The following VWF variants were observed in gnomAD, a reference collection of about 807,000 sequenced individuals.
VWF encodes the protein Factor VIII related antigen.
Under a neutral mutation model 308.6 loss-of-function variants are expected in VWF, and 176 were observed. That is an observed-to-expected ratio of 0.57 (90% CI 0.50 to 0.65). VWF has a LOEUF of 0.65. Among genes scored for constraint, VWF ranks in the 30% least tolerant of loss-of-function variants. The pLI, the probability that VWF is intolerant of heterozygous loss-of-function variation, is 0.00. For synonymous variants in VWF, 1,385 were observed against 1,443.4 expected, an observed-to-expected ratio of 0.96 and a Z score of 0.92; for missense variants, 3,146 against 3,648.2, an observed-to-expected ratio of 0.86 and a Z score of 3.55.
intron 24 of VWF, among the ~76,000 whole-genome samples, 197 bp downstream of exon 24, chr12:6,025,383 T>C (rs994630833): frequency 5.3e-5 from 8 of 152,224 alleles, no homozygotes; most frequent in African/African-American, 9.6e-5. Context: ...TTGCCAGGCA[T>C]TGCTTCCCCT....
intron 47 of VWF, among the ~76,000 whole-genome samples, chr12:5,964,274 G>GCATACATACATGCATA (rs1943369840): frequency 1.5e-5 from 2 of 134,702 alleles, no homozygotes; most frequent in African/African-American, 6.2e-5. Flanking sequence ...ATACATACAT[G>GCATACATACATGCATA]CATACATACA....
intron 12 of VWF, 37 bp downstream of exon 12, chr12:6,064,209 G>A: frequency 6.2e-7 from 1 of 1,613,840 alleles, no homozygotes; most frequent in Middle Eastern, 1.7e-4. Context: ...GATGGGCTGT[G>A]CCAGCCCCAG....
At chr12:6,109,743 C>T (rs1316708448) in intron 5 of VWF, among the ~76,000 whole-genome samples, 1 of 152,172 alleles carries the variant, frequency 6.6e-6, no homozygotes, top group Non-Finnish European at 1.5e-5. Context: ...TTCTCCCTCC[C>T]GGGTTCACGC....
At chr12:6,043,883 T>G (rs993162135) in intron 18 of VWF, among the ~76,000 whole-genome samples, 4 of 152,236 alleles carry the variant, frequency 2.6e-5, no homozygotes, top group Non-Finnish European at 5.9e-5. Context: ...AAATAGAAAA[T>G]TATATGCATA....
At chr12:5,996,532 G>A (rs1401702295) in intron 34 of VWF, among the ~76,000 whole-genome samples, 1 of 151,994 alleles carries the variant, frequency 6.6e-6, no homozygotes, top group Non-Finnish European at 1.5e-5. Context: ...CATTCTACAG[G>A]GATGCCTTGG....
At chr12:6,015,736 A>G (rs1380181961) in intron 31 of VWF, among the ~76,000 whole-genome samples, 3 of 152,196 alleles carry the variant, frequency 2.0e-5, no homozygotes, top group South Asian at 2.1e-4. Flanking sequence ...AAGGCCCTAC[A>G]ATGAATCACT....
At chr12:6,090,973 C>A (rs57666371) in intron 6 of VWF, among the ~76,000 whole-genome samples, 7 of 152,132 alleles carry the variant, frequency 4.6e-5, no homozygotes, top group Non-Finnish European at 1.0e-4. Flanking sequence ...GCACCCTCCC[C>A]TCACGTGCTA....
rs1326933933 is a variant in VWF, at chr12:5,992,023, A to G, written c.6599-5T>C. 21 of 1,613,858 alleles carry G rather than the reference A, an allele frequency of 1.3e-5. No homozygotes were observed. The highest frequency in any genetic ancestry group is 1.6e-5 in the Non-Finnish European group (19 of 1,179,950). The stretch of plus-strand genomic sequence containing the variant: ...GAGATGGTGGGCATGACATAGCTGT[A>G]GACAGAGAAGGAGGTCACTTGCAAA... On this transcript the variant is annotated splice_polypyrimidine_tract_variant and splice_region_variant and intron_variant, in intron 37 of 51. Transcript: ENST00000261405.
chr12:5,985,868 T>C (rs906506291), intron 38 of VWF, among the ~76,000 whole-genome samples: 1 of 152,216 alleles, frequency 6.6e-6, no homozygotes, highest in South Asian at 2.1e-4. Flanking sequence ...CCACATTGCT[T>C]TGTAAACTAA....
chr12:6,004,335 C>T (rs1234420426), intron 34 of VWF, among the ~76,000 whole-genome samples: 2 of 152,000 alleles, frequency 1.3e-5, no homozygotes, highest in Non-Finnish European at 2.9e-5. Flanking sequence ...GAGATTATCT[C>T]CATAGATGCT....
At chr12:6,087,354 C>CTTTT (rs948166436) in intron 6 of VWF, among the ~76,000 whole-genome samples, 9 of 118,776 alleles carry the variant, frequency 7.6e-5, no homozygotes, top group African/African-American at 1.6e-4. Context: ...AGACTTAACT[C>CTTTT]TTTTTTTTTT....
intron 34 of VWF, among the ~76,000 whole-genome samples, chr12:5,997,033 G>A (rs1484888751): frequency 1.3e-5 from 2 of 152,126 alleles, no homozygotes; most frequent in Non-Finnish European, 2.9e-5. Flanking sequence ...ATGCCCAAGA[G>A]CTGAGACACA....
Position 5,994,078 on chromosome 12 carries a change from C to T in VWF, c.6382G>A (p.Glu2128Lys). ...RPGQTCQPIL[E>K]EQCLVPDSSH... Reference sequence around the variant, plus strand: ...CTGTCGGGGACAAGACACTGCTCCTCCAGGATGGGCTGGCACGTCTGCCCT... The same window carrying T: ...CTGTCGGGGACAAGACACTGCTCCTTCAGGATGGGCTGGCACGTCTGCCCT... The change falls in exon 37 of 52, where the codon GAG becomes AAG. Residue 2128 changes from glutamate (E) to lysine (K), a missense_variant. Coordinates refer to ENST00000261405, the MANE Select transcript of VWF (RefSeq NM_000552.5). The T allele has an allele frequency of 6.2e-7, 1 of 1,614,222 alleles. No homozygotes were observed. The highest frequency in any genetic ancestry group is 1.3e-5 in the African/African-American group (1 of 75,046).
intron 18 of VWF, among the ~76,000 whole-genome samples, chr12:6,042,623 C>T (rs183489856): frequency 1.6e-4 from 24 of 152,292 alleles, no homozygotes; most frequent in African/African-American, 4.6e-4. Flanking sequence ...GGCTGAAGTG[C>T]GAGTCACCTC....
rs1388564589 is a variant in VWF at position 6,012,123 on chromosome 12, A to C, written c.5628T>G (p.Val1876=). Reference sequence around the variant, plus strand: ...TCCCATCCTCATCCATGCAAATCCTAACAAATCCTGCAACAGACACAAATA... The same window carrying C: ...TCCCATCCTCATCCATGCAAATCCTCACAAATCCTGCAACAGACACAAATA... The part of the protein sequence containing the change: ...SFLHKLCSGF[V]RICMDEDGNE... Residue 1876 remains valine (V), a synonymous_variant, in exon 33 of 52, where the codon GTT becomes GTG. Transcript: ENST00000261405. 3.1e-6 allele frequency: 5 copies of C among 1,613,940 alleles called. No homozygotes were observed.
chr12:5,954,506 G>A (rs1591829198), intron 47 of VWF, among the ~76,000 whole-genome samples: 1 of 152,326 alleles, frequency 6.6e-6, no homozygotes. Flanking sequence ...AGGGCCGTCT[G>A]TATGGCACTG....
chr12:6,023,495 C>G, intron 25 of VWF, 136 bp downstream of exon 25: 1 of 1,308,114 alleles, frequency 7.6e-7, no homozygotes, highest in Non-Finnish European at 1.1e-6. Context: ...CTCCTTAGCC[C>G]TTGGCCATCC....
At chr12:5,983,979 GATAGATAGATA>G (rs1943644732) in intron 40 of VWF, among the ~76,000 whole-genome samples, 4 of 98,212 alleles carry the variant, frequency 4.1e-5, no homozygotes, top group African/African-American at 1.3e-4. Context: ...TAGATGGATA[GATAGATAGATA>G]GATAGATAGA....
intron 43 of VWF, among the ~76,000 whole-genome samples, chr12:5,972,658 G>A (rs917857): frequency 0.33 from 50,600 of 151,946 alleles, 10,184 homozygotes; most frequent in Middle Eastern, 0.51. Context: ...CAGTCTCCAC[G>A]AGACCTACTG....
Sources: allele counts gnomAD v4.1 joint callset (sites outside exome capture counted in the v4.1 genomes callset), GRCh38; gene constraint gnomAD v4.1.1; transcripts MANE v1.5; gene names NCBI Gene and HGNC (gene_info 2026-07-23, HGNC 2026-07-21).